STK36: variants seen among roughly 807,000 people sequenced by gnomAD.
STK36 encodes the protein serine/threonine kinase 36, also known as serine/threonine-protein kinase 36.
A neutral mutation model predicts 142.2 loss-of-function variants in STK36; 116 were observed. The observed-to-expected ratio is 0.82, with a 90% CI of 0.70 to 0.95. The LOEUF is 0.95. Ranked by LOEUF, STK36 falls within the 40% of genes least tolerant of loss-of-function variation. The probability of loss-of-function intolerance (pLI) is 0.00; values close to 1 mark genes in which losing one functional copy is unlikely to be tolerated. For missense variants in STK36, 1,422 were observed against 1,617.2 expected, an observed-to-expected ratio of 0.88 and a Z score of 2.07; for synonymous variants, 619 against 641.7, an observed-to-expected ratio of 0.96 and a Z score of 0.53.
At chr2:218,690,316 G>A (rs1940948504) in intron 13 of STK36, 134 bp from the exon 14 acceptor site, 1 of 743,100 alleles carries the variant, frequency 1.3e-6, no homozygotes, top group African/African-American at 1.7e-5. Context: ...TGTGTGTGTG[G>A]CAAGGGAGAA....
Position 218,698,746 on chromosome 2 carries a change from G to C in STK36, c.3202G>C (p.Val1068Leu), listed in dbSNP as rs1421289702. Residue 1068 changes from valine to leucine, a missense_variant, in exon 26 of 27, where the codon GTT (valine) becomes CTT (leucine). Val to Leu is a conservative substitution (Grantham distance 32). Around this residue, in one of 2 missense-constraint regions of STK36, gnomAD observed 962 missense variants for 1,167.5 expected, o/e 0.82. Transcript: ENST00000295709. ...SPRTIVSFLS[V>L]ALLSDQPLLT... Reference sequence around the variant, plus strand: ...TAGAACCATCGTCTCGTTTCTCTCAGTTGCCCTCCTGAGTGACCAGCCACT... The same window carrying C: ...TAGAACCATCGTCTCGTTTCTCTCACTTGCCCTCCTGAGTGACCAGCCACT... 6.2e-7 allele frequency: 1 copy of C among 1,614,156 alleles called. No homozygotes were observed. The highest frequency in any genetic ancestry group is 2.2e-5 in the East Asian group (1 of 44,878).
chr2:218,676,544 G>A (rs1040277954), intron 6 of STK36, among the ~76,000 whole-genome samples: 8 of 152,048 alleles, frequency 5.3e-5, no homozygotes, highest in Admixed American at 3.9e-4. Context: ...CAATCATGAC[G>A]GAAAGCAAAG....
intron 13 of STK36, 101 bp downstream of exon 13, chr2:218,690,057 G>A (rs1233527672): frequency 5.3e-6 from 6 of 1,137,062 alleles, no homozygotes; most frequent in South Asian, 1.4e-5. Flanking sequence ...AAGAAGCTGT[G>A]ATTTGTTACA....
At chr2:218,679,440 C>A in intron 7 of STK36, 120 bp from the exon 8 acceptor site, 1 of 1,364,542 alleles carries the variant, frequency 7.3e-7, no homozygotes, top group Non-Finnish European at 1.0e-6. Flanking sequence ...CTCTCTCTGT[C>A]ACTTTTTCAA....
intron 22 of STK36, 72 bp downstream of exon 22, chr2:218,696,673 A>G (rs945425171): frequency 1.3e-6 from 2 of 1,495,532 alleles, no homozygotes; most frequent in Non-Finnish European, 1.9e-6. Flanking sequence ...CCTCTGGACC[A>G]GAGGAATGAA....
At chr2:218,686,314 G>A (rs368433316) in intron 11 of STK36, among the ~76,000 whole-genome samples, 5 of 152,192 alleles carry the variant, frequency 3.3e-5, no homozygotes, top group East Asian at 1.9e-4. Flanking sequence ...CTGGAGTGTT[G>A]TAGCACAATC....
Position 218,688,824 on chromosome 2 carries a change from G to A in STK36, c.1508G>A (p.Gly503Glu). The A allele has an allele frequency of 1.2e-6, 2 of 1,613,514 alleles. No individual in the cohort carries two copies. Among genetic ancestry groups the A allele is most frequent in the Non-Finnish European group, 1.7e-6 (2 of 1,179,956 alleles). Residue 503 changes from glycine (G) to glutamate (E), a missense_variant, in exon 12 of 27, where the codon GGG becomes GAG. Around this residue, in one of 2 missense-constraint regions of STK36, gnomAD observed 962 missense variants for 1,167.5 expected, o/e 0.82. Transcript: ENST00000295709. ...TTCTGCCGGGAGGCAGGGCTTCCTG[G>A]GCTGCTGCTGAGTCTACTCAGGCAC... ...YSFCREAGLP[G>E]LLLSLLRHSQ...
rs1203714885 is a variant in STK36 at position 218,702,095 on chromosome 2, TAA to T, written c.*88_*89del. The T allele has an allele frequency of 2.0e-6, 3 of 1,509,764 alleles. No homozygotes were observed. Among genetic ancestry groups the T allele is most frequent in the Non-Finnish European group, 2.7e-6 (3 of 1,121,644 alleles). The allele number at this position is 1,509,764 out of a possible 1,614,324, so 93.5% of individuals were successfully genotyped here. A position where few individuals can be genotyped will look rare whatever the true frequency, so the allele number is the denominator to read the frequency against. On this transcript the variant is annotated 3_prime_UTR_variant, in exon 27 of 27. Coordinates refer to ENST00000295709, the MANE Select transcript of STK36 (RefSeq NM_015690.5). Reference sequence around the variant, plus strand: ...ACAAGCCGCCAACTCAACTGAGAGCTAAAGAGACTAGAAAAGAGATAAGCTGC... The same window carrying T: ...ACAAGCCGCCAACTCAACTGAGAGCTAGAGACTAGAAAAGAGATAAGCTGC...
intron 10 of STK36, among the ~76,000 whole-genome samples, chr2:218,682,587 CTTTA>C (rs754706288): frequency 2.6e-5 from 4 of 151,696 alleles, no homozygotes; most frequent in African/African-American, 4.8e-5. Flanking sequence ...TCACACCTTG[CTTTA>C]TTTATTTATT....
At chr2:218,697,298 G>C (rs909680727) in intron 23 of STK36, 85 bp downstream of exon 23, 1 of 1,535,550 alleles carries the variant, frequency 6.5e-7, no homozygotes, top group African/African-American at 1.4e-5. Flanking sequence ...ACCCACAGAG[G>C]TTTATTTTTT....
At position 218,673,670 on chromosome 2, in the gene STK36, G is replaced by T; in HGVS notation, c.130G>T (p.Glu44Ter). 16 of 1,614,182 alleles carry T rather than the reference G, an allele frequency of 9.9e-6. No homozygotes were observed. Among genetic ancestry groups the T allele is most frequent in the Non-Finnish European group, 1.4e-5 (16 of 1,180,018 alleles). Residue 44 changes from glutamate to a stop codon, truncating the protein, a stop_gained, in exon 3 of 27, where the codon GAG becomes TAG. Transcript: ENST00000295709. LOFTEE classifies it high-confidence loss of function. ...FIPKLGRSEK[E>*]LRNLQREIEI... ...CCCAAAATTGGGGCGCTCAGAGAAG[G>T]AGCTGAGGAATTTGCAACGAGAGAT...
At chr2:218,690,051 A>C (rs1940936092) in intron 13 of STK36, 95 bp downstream of exon 13, 2 of 1,184,290 alleles carry the variant, frequency 1.7e-6, no homozygotes, top group Non-Finnish European at 2.4e-6. Flanking sequence ...AGTATGAAGA[A>C]GCTGTGATTT....
At position 218,672,870 on chromosome 2, in the gene STK36, C is replaced by G; in HGVS notation, c.41C>G (p.Ser14Cys). The stretch of plus-strand genomic sequence containing the variant: ...GTGTTGGAGATGATTGGAGAAGGCT[C>G]TTTTGGGAGGGTGTACAAGGGTCGA... ...YHVLEMIGEGSFGRVYKGRRK... is the reference protein window; with the variant it reads ...YHVLEMIGEGCFGRVYKGRRK... Residue 14 changes from serine (S) to cysteine (C), a missense_variant, in exon 2 of 27, where the codon TCT becomes TGT. By Grantham distance (112) the Ser-to-Cys change is moderately radical (BLOSUM62 -1). Transcript: ENST00000295709. 6.2e-7 allele frequency: 1 copy of G among 1,614,064 alleles called. No homozygotes were observed. Among genetic ancestry groups the G allele is most frequent in the East Asian group, 2.2e-5 (1 of 44,880 alleles).
intron 11 of STK36, among the ~76,000 whole-genome samples, chr2:218,687,911 A>C (rs995238928): frequency 1.3e-5 from 2 of 152,220 alleles, no homozygotes; most frequent in Admixed American, 1.3e-4. Flanking sequence ...TAATCCTAGC[A>C]CTTTGGGAGG....
rs1262037595 is a variant in STK36 at position 218,697,024 on chromosome 2, C to G, written c.2587-15C>G. ...TTCTGTCTTTCCCCCCGCCCTCTTT[C>G]ACTTTTATCTCTAGCAGGGGAAGGC... On this transcript the variant is annotated splice_polypyrimidine_tract_variant and intron_variant, in intron 22 of 26. Transcript: ENST00000295709. 2 of 1,613,004 alleles carry G rather than the reference C, an allele frequency of 1.2e-6. No individual in the cohort carries two copies. The highest frequency in any genetic ancestry group is 1.7e-6 in the Non-Finnish European group (2 of 1,179,400).
chr2:218,688,949 C>A lies in STK36; in HGVS notation c.1560+73C>A, dbSNP rs1327333610. 8 of 1,438,236 alleles carry A rather than the reference C, an allele frequency of 5.6e-6. No homozygotes were observed. In the Admixed American group the frequency reaches 9.9e-5, roughly 18 times the overall value. 89.1% of individuals were successfully genotyped at this position (1,438,236 alleles called of 1,614,324 possible). On this transcript the variant is annotated intron_variant, in intron 12 of 26. Transcript: ENST00000295709. ...CTTGGATTTATCTCATTCAGATTGC[C>A]ATCTCTCTTTGGTCTGACTGCCTTT...
At chr2:218,685,558 T>C (rs1054847518) in intron 11 of STK36, among the ~76,000 whole-genome samples, 13 of 152,240 alleles carry the variant, frequency 8.5e-5, no homozygotes, top group South Asian at 2.1e-4. Flanking sequence ...CACTAATTTT[T>C]TATTGATGAA....
At chr2:218,679,057 C>T in intron 6 of STK36, 111 bp from the exon 7 acceptor site, 2 of 994,710 alleles carry the variant, frequency 2.0e-6, no homozygotes, top group East Asian at 5.1e-5. Context: ...TCAAGAGCAG[C>T]TCATCTGCTG....
Position 218,696,460 on chromosome 2 carries a change from C to G in STK36, c.2512-67C>G, listed in dbSNP as rs1941236611. The G allele has an allele frequency of 1.5e-5, 21 of 1,392,828 alleles. No homozygotes were observed. In the South Asian group the frequency reaches 2.3e-4, roughly 15 times the overall value. The allele number at this position is 1,392,828 out of a possible 1,614,324, so 86.3% of individuals were successfully genotyped here. On this transcript the variant is annotated intron_variant, in intron 21 of 26. Coordinates refer to ENST00000295709, the MANE Select transcript of STK36 (RefSeq NM_015690.5). The stretch of plus-strand genomic sequence containing the variant: ...TTCCCTCCATGGCACCATCACTGAC[C>G]TGCCTTGGTTTAACGGACACCCCAT...
Sources: gnomAD v4.1 joint callset for allele counts (sites outside exome capture counted in the v4.1 genomes callset) on GRCh38, gnomAD v4.1.1 for gene constraint, gnomAD v4.1.1 regional missense constraint, MANE v1.5 for transcripts, NCBI Gene and HGNC (gene_info 2026-07-23, HGNC 2026-07-21) for gene names.